The following FBXL20 variants were observed in gnomAD, a reference collection of about 807,000 sequenced individuals.
FBXL20 encodes the protein F-box/LRR-repeat protein 20.
FBXL20 carries 11 observed loss-of-function variants against 64.0 expected under a neutral mutation model. That is an observed-to-expected ratio of 0.17 (90% CI 0.11 to 0.28). The LOEUF (loss-of-function observed/expected upper bound fraction) is 0.28, where lower values mean the gene tolerates loss of function less well. Among genes scored for constraint, FBXL20 ranks in the 10% least tolerant of loss-of-function variants. The pLI is 1.00. For synonymous variants in FBXL20, 184 were observed against 189.0 expected, an observed-to-expected ratio of 0.97 and a Z score of 0.22; for missense variants, 303 against 526.2, an observed-to-expected ratio of 0.58 and a Z score of 4.15.
At chr17:39,340,940 T>A (rs2085860139) in intron 2 of FBXL20, among the ~76,000 whole-genome samples, 1 of 151,618 alleles carries the variant, frequency 6.6e-6, no homozygotes, top group African/African-American at 2.4e-5. Flanking sequence ...TTCTATCTAG[T>A]ATAATGTCAA....
At chr17:39,383,972 G>A (rs2048052124) in intron 1 of FBXL20, among the ~76,000 whole-genome samples, 1 of 152,002 alleles carries the variant, frequency 6.6e-6, no homozygotes, top group Admixed American at 6.6e-5. Flanking sequence ...GGTGGCTCAT[G>A]CCCATAATCC....
intron 1 of FBXL20, among the ~76,000 whole-genome samples, chr17:39,386,760 T>C (rs1266164475): frequency 1.3e-5 from 2 of 152,206 alleles, no homozygotes; most frequent in African/African-American, 2.4e-5. Flanking sequence ...CCTAAATGTG[T>C]ATCCACTTCT....
intron 1 of FBXL20, among the ~76,000 whole-genome samples, chr17:39,346,830 T>C (rs2047637758): frequency 6.6e-6 from 1 of 151,562 alleles, no homozygotes; most frequent in Non-Finnish European, 1.5e-5. Flanking sequence ...CTCCTAATGC[T>C]ATCTCTCCCC....
intron 2 of FBXL20, among the ~76,000 whole-genome samples, chr17:39,310,538 T>C (rs1228890382): frequency 3.3e-5 from 5 of 152,208 alleles, no homozygotes; most frequent in East Asian, 1.9e-4. Flanking sequence ...GCAATAAAAA[T>C]CTTTCCTTTA....
At chr17:39,342,454 G>A (rs969807446) in intron 2 of FBXL20, among the ~76,000 whole-genome samples, 14 of 151,592 alleles carry the variant, frequency 9.2e-5, no homozygotes, top group Non-Finnish European at 1.9e-4. Flanking sequence ...CGTGGCTCAC[G>A]CCTGTAATCC....
intron 2 of FBXL20, among the ~76,000 whole-genome samples, chr17:39,308,727 G>A (rs993458151): frequency 7.9e-5 from 12 of 151,726 alleles, no homozygotes; most frequent in Non-Finnish European, 1.6e-4. Flanking sequence ...CACCACGCCC[G>A]GCTAATTTTT....
Position 39,285,435 on chromosome 17 carries a change from AT to A in FBXL20, c.494+42del, listed in dbSNP as rs751620411. ...TATCAATTATTTTTTTAAAATATGT[AT>A]TTTTTTTTGATTACTTGACATGCTT... On this transcript the variant is annotated intron_variant, in intron 7 of 14. Transcript: ENST00000264658. 2,223 of 1,269,358 alleles carry A rather than the reference AT, an allele frequency of 1.8e-3. 1 individual carries two copies. The highest frequency in any genetic ancestry group is 2.9e-3 in the South Asian group (197 of 67,410). 78.6% of individuals were successfully genotyped at this position (1,269,358 alleles called of 1,614,324 possible). A position where few individuals can be genotyped will look rare whatever the true frequency, so the allele number is the denominator to read the frequency against.
intron 2 of FBXL20, among the ~76,000 whole-genome samples, chr17:39,337,292 A>G (rs1353758307): frequency 3.9e-5 from 6 of 152,124 alleles, no homozygotes; most frequent in Non-Finnish European, 7.4e-5. Flanking sequence ...TCAGTGCTCA[A>G]TGGTGCCCAG....
rs142745596 is a variant in FBXL20, at chr17:39,309,765, C to G, written c.105-6126G>C. ...CGAGATCATGCCGCTGCACTCCAGC[C>G]TAGGTGACAGAGTGAGACTCCATCT... On this transcript the variant is annotated intron_variant, in intron 2 of 14. Transcript: ENST00000264658. 8.2e-3 allele frequency among the ~76,000 whole-genome samples: 1,162 copies of G among 142,012 alleles called. 14 individuals are homozygous for G. Among genetic ancestry groups the G allele is most frequent in the African/African-American group, 0.03 (1,117 of 37,578 alleles). The allele number at this position is 142,012 out of a possible 152,430, so 93.2% of individuals were successfully genotyped here. A position where few individuals can be genotyped will look rare whatever the true frequency, so the allele number is the denominator to read the frequency against.
chr17:39,357,275 CAAAA>C (rs34332873), intron 1 of FBXL20, among the ~76,000 whole-genome samples: 5 of 93,100 alleles, frequency 5.4e-5, no homozygotes, highest in African/African-American at 1.8e-4. Flanking sequence ...AACTCTGTCT[CAAAA>C]AAAAAAAAAA....
intron 2 of FBXL20, among the ~76,000 whole-genome samples, chr17:39,320,090 C>T (rs1395844357): frequency 1.3e-5 from 2 of 152,168 alleles, no homozygotes; most frequent in African/African-American, 2.4e-5. Flanking sequence ...CATACATACA[C>T]GTACACACAG....
At position 39,261,586 on chromosome 17, in the gene FBXL20, AT is replaced by A; in HGVS notation, c.1204-20del. On this transcript the variant is annotated intron_variant, in intron 14 of 14. Transcript: ENST00000264658. The stretch of plus-strand genomic sequence containing the variant: ...AATGGGTCTGAAACAAGACAGAAAC[AT>A]TAAACGTTTAAGAGAGGGCTTAAAC... 3.2e-6 allele frequency: 5 copies of A among 1,569,430 alleles called. No individual in the cohort carries two copies. The highest frequency in any genetic ancestry group is 4.4e-6 in the Non-Finnish European group (5 of 1,142,952).
chr17:39,285,484 G>A lies in FBXL20; in HGVS notation c.488C>T (p.Ala163Val). 1 of 1,583,782 alleles carries A rather than the reference G, an allele frequency of 6.3e-7. No individual in the cohort carries two copies. The highest frequency in any genetic ancestry group is 8.6e-7 in the Non-Finnish European group (1 of 1,166,706). ...CTSITNMSLK[A>V]LSEGCPLLEQ... ...CTTATTATAAGAAATTTACCTCAGA[G>A]CTTTTAGAGACATGTTTGTTATTGA... Residue 163 changes from alanine to valine, a missense_variant, in exon 7 of 15, where the codon GCT becomes GTT. Ala to Val is a moderately conservative substitution (Grantham distance 64, BLOSUM62 0). Coordinates refer to ENST00000264658, the MANE Select transcript of FBXL20 (RefSeq NM_032875.3).
chr17:39,388,814 T>C (rs372042236), intron 1 of FBXL20, among the ~76,000 whole-genome samples: 15 of 149,582 alleles, frequency 1.0e-4, no homozygotes, highest in East Asian at 6.2e-4. Context: ...TTTAAAAAAT[T>C]AGATCTGCCG....
In FBXL20 at chr17:39,362,353, A is replaced by C. The variant is rs1165141116; in HGVS notation, c.43-19112T>G. ...AGTGGCTCATACCTGTAATCCCAGC[A>C]CTTTAGAAGGCTGAGGTACGAGGAC... On this transcript the variant is annotated intron_variant, in intron 1 of 14. Coordinates refer to ENST00000264658, the MANE Select transcript of FBXL20 (RefSeq NM_032875.3). Among the ~76,000 whole-genome samples the C allele has an allele frequency of 2.6e-5, 4 of 152,054 alleles. No individual in the cohort carries two copies. The East Asian group carries it at 7.7e-4, about 29-fold the overall frequency.
chr17:39,261,690 G>C, intron 14 of FBXL20, 123 bp from the exon 15 acceptor site: 3 of 682,554 alleles, frequency 4.4e-6, no homozygotes, highest in African/African-American at 1.8e-5. Flanking sequence ...GCTGAGCACT[G>C]GTCAGGATGT....
rs1467312047 is a variant in FBXL20, at chr17:39,362,681, C to T, written c.43-19440G>A. Among the ~76,000 whole-genome samples, 7 of 149,366 alleles carry T rather than the reference C, an allele frequency of 4.7e-5. 1 individual carries two copies. The South Asian group carries it at 6.3e-4, about 14-fold the overall frequency. ...TCAACCAGGCTGGAGTGCAGTAGTG[C>T]GACCTCGGCTCACTGCAACCTTCAT... is the stretch of plus-strand genomic sequence containing the variant. On this transcript the variant is annotated intron_variant, in intron 1 of 14. Coordinates refer to ENST00000264658, the MANE Select transcript of FBXL20 (RefSeq NM_032875.3).
chr17:39,317,701 GTTTTT>G lies in FBXL20; in HGVS notation c.105-14067_105-14063del, dbSNP rs1238194174. Among the ~76,000 whole-genome samples, 6 of 44,298 alleles carry G rather than the reference GTTTTT, an allele frequency of 1.4e-4. No homozygotes were observed. The South Asian group carries it at 1.8e-3, about 13-fold the overall frequency. 29.1% of individuals were successfully genotyped at this position (44,298 alleles called of 152,430 possible). On this transcript the variant is annotated intron_variant, in intron 2 of 14. Coordinates refer to ENST00000264658, the MANE Select transcript of FBXL20 (RefSeq NM_032875.3). ...TGTTTTTTTTTTTGTTTTTTTTTTT[GTTTTT>G]TTTTTTTTTTTTTGAGACGGAGTCT...
At chr17:39,399,421 T>C (rs541763184) in intron 1 of FBXL20, among the ~76,000 whole-genome samples, 1 of 152,342 alleles carries the variant, frequency 6.6e-6, no homozygotes, top group East Asian at 1.9e-4. Context: ...TTACTAATTG[T>C]CTCAGTCCTT....
Sources: gnomAD v4.1 joint callset for allele counts (sites outside exome capture counted in the v4.1 genomes callset) on GRCh38, gnomAD v4.1.1 for gene constraint, MANE v1.5 for transcripts, NCBI Gene and HGNC (gene_info 2026-07-23, HGNC 2026-07-21) for gene names.